The following RAB23 variants were observed in gnomAD, a reference collection of about 807,000 sequenced individuals.
RAB23 encodes RAB23, member RAS oncogene family, also known as ras-related protein Rab-23.
In RAB23, 15 loss-of-function variants were observed where a neutral mutation model predicts 30.0. The observed-to-expected ratio is 0.50, with a 90% CI of 0.33 to 0.77. RAB23 has a LOEUF of 0.77. Ranked by LOEUF, RAB23 falls within the 30% of genes least tolerant of loss-of-function variation. RAB23 has a pLI of 0.02. For missense variants in RAB23, 243 were observed against 275.4 expected (o/e 0.88, Z 0.83); for synonymous variants, 93 against 94.0 (o/e 0.99, Z 0.06).
At chr6:57,209,876 A>G (rs967493504) in intron 2 of RAB23, among the ~76,000 whole-genome samples, 1 of 152,230 alleles carries the variant, frequency 6.6e-6, no homozygotes, top group Non-Finnish European at 1.5e-5. Context: ...AAACGAGCCC[A>G]TAATATAACT....
At chr6:57,197,794 A>G (rs1216386001) in intron 3 of RAB23, among the ~76,000 whole-genome samples, 2 of 152,216 alleles carry the variant, frequency 1.3e-5, no homozygotes, top group African/African-American at 4.8e-5. Context: ...ACTGGAGTGC[A>G]GTGGCATGAT....
At chr6:57,219,114 A>C (rs902327258) in intron 1 of RAB23, among the ~76,000 whole-genome samples, 1 of 152,146 alleles carries the variant, frequency 6.6e-6, no homozygotes, top group South Asian at 2.1e-4. Context: ...CAAAAACCAA[A>C]CCCTGAACTA....
chr6:57,206,967 C>T (rs1053442342), intron 3 of RAB23, among the ~76,000 whole-genome samples: 1 of 152,162 alleles, frequency 6.6e-6, no homozygotes, highest in Admixed American at 6.6e-5. Flanking sequence ...ACATGGTATT[C>T]CACCAAGCTT....
intron 1 of RAB23, among the ~76,000 whole-genome samples, chr6:57,210,649 T>C (rs2128004362): frequency 6.6e-6 from 1 of 152,332 alleles, no homozygotes; most frequent in East Asian, 1.9e-4. Context: ...AATAGCGCAA[T>C]GCATGACATT....
In RAB23 at chr6:57,204,701, A is replaced by T. The variant is rs1188848051; in HGVS notation, c.241+2927T>A. On this transcript the variant is annotated intron_variant, in intron 3 of 6. Coordinates refer to ENST00000468148, the MANE Select transcript of RAB23 (RefSeq NM_016277.5). ...AATTAGCTTAAAGGAAACTTTTCAGATATATTTCTAAGCAATGTTATTACA... is the reference window on the plus strand; with the variant it reads ...AATTAGCTTAAAGGAAACTTTTCAGTTATATTTCTAAGCAATGTTATTACA... 2.6e-5 allele frequency among the ~76,000 whole-genome samples: 4 copies of T among 152,298 alleles called. No individual in the cohort carries two copies. The East Asian group carries it at 7.7e-4, about 29-fold the overall frequency.
chr6:57,194,250 C>T (rs1412782793), intron 5 of RAB23, among the ~76,000 whole-genome samples: 1 of 151,730 alleles, frequency 6.6e-6, no homozygotes, highest in Non-Finnish European at 1.5e-5. Context: ...AAAGATGTCT[C>T]CTTTATGTGA....
intron 6 of RAB23, among the ~76,000 whole-genome samples, chr6:57,190,990 CTT>C (rs1360727201): frequency 7.2e-5 from 11 of 152,140 alleles, no homozygotes; most frequent in African/African-American, 1.7e-4. Flanking sequence ...TTGGGACTGA[CTT>C]ATTTCATTTA....
At chr6:57,220,532 T>A (rs908428095) in intron 1 of RAB23, among the ~76,000 whole-genome samples, 1 of 152,210 alleles carries the variant, frequency 6.6e-6, no homozygotes, top group Non-Finnish European at 1.5e-5. Context: ...TGAAACAGAC[T>A]GTGGCATATC....
Position 57,196,085 on chromosome 6 carries a change from T to C in RAB23, c.398+365A>G, listed in dbSNP as rs530095318. Among the ~76,000 whole-genome samples the C allele has an allele frequency of 1.1e-4, 17 of 152,254 alleles. 1 individual carries two copies. In the South Asian group the frequency reaches 2.9e-3, roughly 26 times the overall value. ...TTAATTAAAATTCATCAACATAGGA[T>C]AGTTACTTATTCTGGGTATTACAAA... On this transcript the variant is annotated intron_variant, in intron 4 of 6. Coordinates refer to ENST00000468148, the MANE Select transcript of RAB23 (RefSeq NM_016277.5).
intron 3 of RAB23, among the ~76,000 whole-genome samples, chr6:57,198,507 C>T (rs1398750770): frequency 4.6e-5 from 7 of 151,902 alleles, no homozygotes; most frequent in Non-Finnish European, 7.4e-5. Flanking sequence ...ATGGCAAAAC[C>T]CCATCTCTAC....
At chr6:57,205,109 CTGTG>C (rs1481099144) in intron 3 of RAB23, among the ~76,000 whole-genome samples, 1 of 149,038 alleles carries the variant, frequency 6.7e-6, no homozygotes, top group African/African-American at 2.5e-5. Context: ...TATATATACA[CTGTG>C]TGTATATATA....
At chr6:57,210,174 T>C in intron 2 of RAB23, 52 bp downstream of exon 2, 1 of 1,573,234 alleles carries the variant, frequency 6.4e-7, no homozygotes, top group Non-Finnish European at 8.7e-7. Context: ...CAATGAGTCT[T>C]GGATATAGTT....
chr6:57,203,006 T>TTTTTG, intron 3 of RAB23, among the ~76,000 whole-genome samples: 1 of 137,484 alleles, frequency 7.3e-6, no homozygotes, highest in Non-Finnish European at 1.6e-5. Context: ...GGCTGTTTTT[T>TTTTTG]TTTTTTTTTT....
At chr6:57,215,824 G>A (rs1224645292) in intron 1 of RAB23, among the ~76,000 whole-genome samples, 1 of 152,170 alleles carries the variant, frequency 6.6e-6, no homozygotes. Context: ...CCAATGTGGT[G>A]TTCAATATAT....
At chr6:57,218,648 C>G (rs1407002884) in intron 1 of RAB23, among the ~76,000 whole-genome samples, 1 of 151,986 alleles carries the variant, frequency 6.6e-6, no homozygotes. Context: ...GTCAGGAGTT[C>G]GAGACCAGCC....
At chr6:57,219,673 T>C (rs564282117) in intron 1 of RAB23, among the ~76,000 whole-genome samples, 13 of 152,228 alleles carry the variant, frequency 8.5e-5, no homozygotes, top group Non-Finnish European at 1.0e-4. Flanking sequence ...ATAAAGACAA[T>C]TGATTTTTAA....
At chr6:57,206,329 C>A (rs1255713643) in intron 3 of RAB23, among the ~76,000 whole-genome samples, 1 of 151,888 alleles carries the variant, frequency 6.6e-6, no homozygotes, top group Non-Finnish European at 1.5e-5. Context: ...AAGACAGCGT[C>A]TGGATATTAA....
chr6:57,213,038 G>C (rs935530825), intron 1 of RAB23, among the ~76,000 whole-genome samples: 1 of 152,108 alleles, frequency 6.6e-6, no homozygotes, highest in East Asian at 1.9e-4. Context: ...GAGGTTGGTG[G>C]GGGGCAGTGG....
intron 3 of RAB23, among the ~76,000 whole-genome samples, chr6:57,205,840 G>C (rs554835636): frequency 1.3e-4 from 20 of 152,356 alleles, no homozygotes; most frequent in African/African-American, 4.3e-4. Flanking sequence ...TGATTTGGTA[G>C]TGGGAAGGAT....
Sources: gnomAD v4.1 joint callset for allele counts (sites outside exome capture counted in the v4.1 genomes callset) on GRCh38, gnomAD v4.1.1 for gene constraint, MANE v1.5 for transcripts, NCBI Gene and HGNC (gene_info 2026-07-23, HGNC 2026-07-21) for gene names.